Variants in UNC45B observed in about 807,000 individuals in gnomAD.
The protein encoded by UNC45B is protein unc-45 homolog B.
UNC45B carries 78 observed loss-of-function variants against 98.7 expected under a neutral mutation model. The observed-to-expected ratio is 0.79, with a 90% CI of 0.66 to 0.95. UNC45B has a LOEUF of 0.95. Among genes scored for constraint, UNC45B ranks in the 40% least tolerant of loss-of-function variants. UNC45B has a pLI of 0.00. For missense variants in UNC45B, 1,225 were observed against 1,184.9 expected, an observed-to-expected ratio of 1.03 and a Z score of -0.50; for synonymous variants, 462 against 480.4, an observed-to-expected ratio of 0.96 and a Z score of 0.50.
intron 10 of UNC45B, among the ~76,000 whole-genome samples, chr17:35,169,082 T>C (rs1195101041): frequency 6.6e-6 from 1 of 152,024 alleles, no homozygotes; most frequent in Non-Finnish European, 1.5e-5. Flanking sequence ...TGGCATGATA[T>C]TGGCTCACTG....
Position 35,159,436 on chromosome 17 carries a change from G to C in UNC45B, c.870G>C (p.Lys290Asn). The C allele has an allele frequency of 3.7e-6, 6 of 1,614,158 alleles. No homozygotes were observed. Among genetic ancestry groups the C allele is most frequent in the Non-Finnish European group, 5.1e-6 (6 of 1,180,006 alleles). ...TGCTGGACATGCTAGTCAGCAAGAA[G>C]GTGTCTGGCCAGGGCAGGGATCAGG... ...SHLLDMLVSK[K>N]VSGQGRDQAL... Residue 290 changes from lysine (K) to asparagine (N), a missense_variant, in exon 8 of 20, where the codon AAG (lysine) becomes AAC (asparagine). Coordinates refer to ENST00000394570, the MANE Select transcript of UNC45B (RefSeq NM_001267052.2).
At chr17:35,175,752 C>A (rs1032125854) in intron 14 of UNC45B, among the ~76,000 whole-genome samples, 3 of 152,156 alleles carry the variant, frequency 2.0e-5, no homozygotes, top group African/African-American at 7.2e-5. Context: ...CTCTTTGCAG[C>A]CTCACTTGGC....
chr17:35,176,090 G>T (rs375225884), intron 15 of UNC45B, 56 bp downstream of exon 15: 5 of 1,562,000 alleles, frequency 3.2e-6, no homozygotes, highest in African/African-American at 1.4e-5. Context: ...TTTGCCTAGC[G>T]CAAGAATTAT....
chr17:35,186,212 G>T, intron 19 of UNC45B, 87 bp from the exon 20 acceptor site: 1 of 1,547,568 alleles, frequency 6.5e-7, no homozygotes. Context: ...TCCTAACATT[G>T]CCACACCAGG....
At chr17:35,170,081 C>A in intron 11 of UNC45B, 33 bp from the exon 12 acceptor site, 1 of 1,601,948 alleles carries the variant, frequency 6.2e-7, no homozygotes, top group Non-Finnish European at 8.5e-7. Context: ...AGCCCTGGGC[C>A]CCTTCCCATG....
chr17:35,184,973 T>A (rs1267224277), intron 19 of UNC45B, among the ~76,000 whole-genome samples: 1 of 152,196 alleles, frequency 6.6e-6, no homozygotes, highest in East Asian at 1.9e-4. Context: ...TGAGTTTCTA[T>A]CACTGCTTCC....
chr17:35,160,868 T>C (rs1391808529), intron 8 of UNC45B, among the ~76,000 whole-genome samples: 1 of 152,278 alleles, frequency 6.6e-6, no homozygotes, highest in Non-Finnish European at 1.5e-5. Context: ...TGATCTGCTA[T>C]GGTAAATTCT....
chr17:35,151,803 G>A (rs1383290341), intron 4 of UNC45B, among the ~76,000 whole-genome samples: 3 of 152,302 alleles, frequency 2.0e-5, no homozygotes, highest in South Asian at 4.1e-4. Context: ...CACCCCCAAA[G>A]GAAATGAGCA....
At chr17:35,171,268 T>A in intron 12 of UNC45B, 54 bp from the exon 13 acceptor site, 7 of 1,591,050 alleles carry the variant, frequency 4.4e-6, no homozygotes, top group Non-Finnish European at 6.0e-6. Context: ...GAAGCAGAGG[T>A]TTGTCCTAAA....
Position 35,154,745 on chromosome 17 carries a change from A to G in UNC45B, c.639+4A>G. On this transcript the variant is annotated splice_donor_region_variant and intron_variant, in intron 6 of 19. Transcript: ENST00000394570. ...GTGCAGCGGCCACCAAGCCAGAGTA[A>G]GTGCCCGGCTGTGGGGCATGTGGAG... is the stretch of plus-strand genomic sequence containing the variant. 6.3e-7 allele frequency: 1 copy of G among 1,575,256 alleles called. No homozygotes were observed. Among genetic ancestry groups the G allele is most frequent in the Non-Finnish European group, 8.6e-7 (1 of 1,165,346 alleles).
intron 4 of UNC45B, chr17:35,151,154 C>A: frequency 3.9e-6 from 1 of 258,480 alleles, no homozygotes; most frequent in Non-Finnish European, 7.4e-6. Context: ...TGGGCTCTTC[C>A]CTGTTCACTC....
rs56300196 is a variant in UNC45B at position 35,180,253 on chromosome 17, T to TGAGAGAGAGAGAGAGAGAGAGA, written c.2256-291_2256-270dup. 3.3e-4 allele frequency among the ~76,000 whole-genome samples: 46 copies of TGAGAGAGAGAGAGAGAGAGAGA among 139,956 alleles called. No individual in the cohort carries two copies. The East Asian group carries it at 5.5e-3, about 17-fold the overall frequency. 91.8% of individuals were successfully genotyped at this position (139,956 alleles called of 152,430 possible). A position where few individuals can be genotyped will look rare whatever the true frequency, so the allele number is the denominator to read the frequency against. ...CATCTTCTTGGATCTACATCCAGGA[T>TGAGAGAGAGAGAGAGAGAGAGA]GAGAGAGAGAGAGAGAGAGAGAGAG... On this transcript the variant is annotated intron_variant, in intron 17 of 19. Transcript: ENST00000394570.
In UNC45B at chr17:35,186,541, C is replaced by A. The variant is rs1185930846; in HGVS notation, c.2772C>A (p.Phe924Leu). 6.2e-7 allele frequency: 1 copy of A among 1,614,208 alleles called. No homozygotes were observed. Among genetic ancestry groups the A allele is most frequent in the Admixed American group, 1.7e-5 (1 of 60,024 alleles). The change falls in exon 20 of 20, where the codon TTC becomes TTA. Residue 924 changes from phenylalanine to leucine, a missense_variant. Coordinates refer to ENST00000394570, the MANE Select transcript of UNC45B (RefSeq NM_001267052.2). ...ECLIKCMDYGFIKPVS is the reference protein window; with the variant it reads ...ECLIKCMDYGLIKPVS Reference sequence around the variant, plus strand: ...TCATCAAGTGCATGGATTATGGTTTCATTAAACCAGTGTCTTAGACAGCGA... The same window carrying A: ...TCATCAAGTGCATGGATTATGGTTTAATTAAACCAGTGTCTTAGACAGCGA...
Position 35,186,487 on chromosome 17 carries a change from AG to A in UNC45B, c.2719del (p.Glu907LysfsTer53), listed in dbSNP as rs2092305205. ...GKQEPDEKKA[E>X]VVQTARECLI... ...AACAGGAGCCAGATGAGAAGAAGGCAGAAGTGGTTCAGACAGCCCGAGAATG... is the reference window on the plus strand; with the variant it reads ...AACAGGAGCCAGATGAGAAGAAGGCAAAGTGGTTCAGACAGCCCGAGAATG... On this transcript the variant is annotated frameshift_variant, in exon 20 of 20. Coordinates refer to ENST00000394570, the MANE Select transcript of UNC45B (RefSeq NM_001267052.2). LOFTEE classifies it high-confidence loss of function. 1.2e-6 allele frequency: 2 copies of A among 1,614,110 alleles called. No individual in the cohort carries two copies. The highest frequency in any genetic ancestry group is 2.2e-5 in the South Asian group (2 of 91,092).
chr17:35,160,820 A>G (rs1315804390), intron 8 of UNC45B, among the ~76,000 whole-genome samples: 1 of 152,104 alleles, frequency 6.6e-6, no homozygotes, highest in Non-Finnish European at 1.5e-5. Flanking sequence ...TCCTCAATCA[A>G]CTTCTTTGAT....
chr17:35,171,600 A>G, intron 13 of UNC45B, 138 bp downstream of exon 13: 1 of 937,910 alleles, frequency 1.1e-6, no homozygotes. Context: ...CATACATTGA[A>G]TATGTTAATG....
At position 35,166,085 on chromosome 17, in the gene UNC45B, C is replaced by CAAAAAAAAAAAAAAA. The variant is rs1277152297; in HGVS notation, c.1151+1919_1151+1920insAAAAAAAAAAAAAAA. On this transcript the variant is annotated intron_variant, in intron 9 of 19. Coordinates refer to ENST00000394570, the MANE Select transcript of UNC45B (RefSeq NM_001267052.2). ...AGGCAATGTAGAGAGACCCTCATCT[C>CAAAAAAAAAAAAAAA]TAAAAAAAAAAAAAAAAAAAAAAAA... 4.8e-3 allele frequency among the ~76,000 whole-genome samples: 78 copies of CAAAAAAAAAAAAAAA among 16,248 alleles called. 1 individual carries two copies. The highest frequency in any genetic ancestry group is 7.1e-3 in the Non-Finnish European group (70 of 9,792). The allele number at this position is 16,248 out of a possible 152,430, so 10.7% of individuals were successfully genotyped here. A position where few individuals can be genotyped will look rare whatever the true frequency, so the allele number is the denominator to read the frequency against.
Position 35,186,809 on chromosome 17 carries a change from T to G in UNC45B, c.*250T>G. On this transcript the variant is annotated 3_prime_UTR_variant, in exon 20 of 20. Transcript: ENST00000394570. ...CATGTTTCAGAAATTCCCAGAATAA[T>G]TTTCACCCATGATTAGAAATAGGTT... 2.5e-6 allele frequency: 1 copy of G among 398,760 alleles called. No homozygotes were observed. The highest frequency in any genetic ancestry group is 3.7e-5 in the South Asian group (1 of 26,798). The allele number at this position is 398,760 out of a possible 1,614,324, so 24.7% of individuals were successfully genotyped here. A position where few individuals can be genotyped will look rare whatever the true frequency, so the allele number is the denominator to read the frequency against.
chr17:35,156,758 C>G (rs912983535), intron 7 of UNC45B, among the ~76,000 whole-genome samples: 2 of 152,066 alleles, frequency 1.3e-5, no homozygotes, highest in African/African-American at 2.4e-5. Flanking sequence ...TATAATTACC[C>G]ATTCAGGTAA....
Sources: gnomAD v4.1 joint callset for allele counts (sites outside exome capture counted in the v4.1 genomes callset) on GRCh38, gnomAD v4.1.1 for gene constraint, MANE v1.5 for transcripts, NCBI Gene and HGNC (gene_info 2026-07-23, HGNC 2026-07-21) for gene names.